The following MRTFB variants were observed in gnomAD, a reference collection of about 807,000 sequenced individuals.
MRTFB encodes the protein myocardin related transcription factor B.
Under a neutral mutation model 104.2 loss-of-function variants are expected in MRTFB, and 29 were observed. The ratio of observed to expected loss-of-function variants is 0.28; its 90% confidence interval spans 0.21 to 0.38. MRTFB has a LOEUF of 0.38. MRTFB is among the 10% of genes least tolerant of loss of function. The pLI, the probability that MRTFB is intolerant of heterozygous loss-of-function variation, is 1.00. For missense variants in MRTFB, 1,270 were observed against 1,341.6 expected, an observed-to-expected ratio of 0.95 and a Z score of 0.83; for synonymous variants, 535 against 519.5, an observed-to-expected ratio of 1.03 and a Z score of -0.41.
chr16:14,187,272 T>C (rs1184057697), intron 3 of MRTFB, among the ~76,000 whole-genome samples: 3 of 152,222 alleles, frequency 2.0e-5, no homozygotes, highest in African/African-American at 4.8e-5. Context: ...AGGGGACTTG[T>C]ACAGCCAGTC....
In MRTFB at chr16:14,260,965, A is replaced by T. The variant is rs1168390694; in HGVS notation, c.2821A>T (p.Thr941Ser). The change falls in exon 17 of 17, where the codon ACA becomes TCA. Residue 941 changes from threonine to serine, a missense_variant. Thr to Ser is a moderately conservative substitution (Grantham distance 58). Coordinates refer to ENST00000571589, the MANE Select transcript of MRTFB (RefSeq NM_001308142.2). ...PSPISKMRPVTASITTMPVNT... is the reference protein window; with the variant it reads ...PSPISKMRPVSASITTMPVNT... ...TCCTATTTCCAAAATGAGACCAGTG[A>T]CAGCCAGCATCACCACAATGCCAGT... The T allele has an allele frequency of 6.2e-7, 1 of 1,614,160 alleles. No homozygotes were observed. The highest frequency in any genetic ancestry group is 1.3e-5 in the African/African-American group (1 of 75,054).
intron 2 of MRTFB, among the ~76,000 whole-genome samples, chr16:14,083,118 G>A (rs1403477367): frequency 6.6e-6 from 1 of 151,612 alleles, no homozygotes; most frequent in Non-Finnish European, 1.5e-5. Flanking sequence ...GGTAACTGTT[G>A]TAAATAGGAT....
intron 3 of MRTFB, chr16:14,143,949 A>G (rs2038159844): frequency 1.3e-5 from 2 of 152,210 alleles, no homozygotes. Context: ...AACTGTTACT[A>G]GTGTTCTTTC....
At chr16:14,003,653 C>T in the MRTFB span, among the ~76,000 whole-genome samples, 3 of 35,532 alleles carry the variant, frequency 8.4e-5, no homozygotes, top group Non-Finnish European at 2.3e-4. Flanking sequence ...TCCCTCCCTC[C>T]CTCCCTCCCT....
intron 3 of MRTFB, among the ~76,000 whole-genome samples, chr16:14,192,424 T>G (rs773997405): frequency 6.6e-6 from 1 of 152,172 alleles, no homozygotes; most frequent in Non-Finnish European, 1.5e-5. Context: ...ACAATAGGAA[T>G]GAAAAAGTAA....
chr16:14,194,555 G>A (rs1261703479), intron 3 of MRTFB, among the ~76,000 whole-genome samples: 1 of 152,174 alleles, frequency 6.6e-6, no homozygotes, highest in African/African-American at 2.4e-5. Context: ...AATTCTTATT[G>A]ATGTAAGAAC....
the MRTFB span, among the ~76,000 whole-genome samples, chr16:14,007,146 CAA>C: frequency 6.6e-6 from 1 of 152,190 alleles, no homozygotes; most frequent in Non-Finnish European, 1.5e-5. Flanking sequence ...GCCATCACTA[CAA>C]TCAATTTCAG....
intron 3 of MRTFB, chr16:14,201,021 A>G (rs772215248): frequency 5.4e-6 from 8 of 1,471,910 alleles, no homozygotes; most frequent in South Asian, 1.2e-5. Flanking sequence ...AACTGAAGAG[A>G]TAAGTCTTGA....
chr16:14,081,197 C>G (rs2141866061), intron 2 of MRTFB, among the ~76,000 whole-genome samples: 1 of 152,152 alleles, frequency 6.6e-6, no homozygotes, highest in Admixed American at 6.5e-5. Flanking sequence ...GCCATTCCAA[C>G]AGGAGTGAGG....
intron 8 of MRTFB, among the ~76,000 whole-genome samples, chr16:14,232,959 A>G (rs184165324): frequency 2.6e-5 from 4 of 152,336 alleles, no homozygotes; most frequent in Admixed American, 2.6e-4. Flanking sequence ...AAAGGAGGAC[A>G]TTTTTCCTTA....
chr16:14,076,804 T>A (rs1463326554), intron 1 of MRTFB, among the ~76,000 whole-genome samples: 1 of 152,206 alleles, frequency 6.6e-6, no homozygotes, highest in Non-Finnish European at 1.5e-5. Context: ...CTCCAACAGT[T>A]AACCTTTGGA....
At chr16:14,104,705 G>A (rs2035880232) in intron 2 of MRTFB, among the ~76,000 whole-genome samples, 1 of 152,206 alleles carries the variant, frequency 6.6e-6, no homozygotes, top group Non-Finnish European at 1.5e-5. Flanking sequence ...TAAAACATAA[G>A]CATGAGAACC....
chr16:14,239,617 A>G (rs1157416122), intron 9 of MRTFB, among the ~76,000 whole-genome samples: 1 of 152,226 alleles, frequency 6.6e-6, no homozygotes, highest in African/African-American at 2.4e-5. Context: ...TGAGAAGACA[A>G]CAAGACCTCA....
the MRTFB span, among the ~76,000 whole-genome samples, chr16:14,025,328 G>A: frequency 2.2e-4 from 34 of 152,142 alleles, no homozygotes; most frequent in Admixed American, 5.2e-4. Context: ...CAATAGGCAC[G>A]CACCACCAAG....
chr16:14,071,063 T>C (rs375209646), upstream of MRTFB, among the ~76,000 whole-genome samples: 3 of 152,148 alleles, frequency 2.0e-5, no homozygotes, highest in Admixed American at 6.5e-5. Context: ...GCCCCGGACA[T>C]GCGCATGCGC....
chr16:14,122,145 T>C (rs968333684), intron 2 of MRTFB, among the ~76,000 whole-genome samples: 2 of 152,140 alleles, frequency 1.3e-5, no homozygotes, highest in Non-Finnish European at 1.5e-5. Flanking sequence ...GTAAGTGTTA[T>C]ATATATACAC....
the MRTFB span, among the ~76,000 whole-genome samples, chr16:14,003,644 C>G: frequency 0.033 from 335 of 10,260 alleles, no homozygotes; most frequent in Non-Finnish European, 0.036. Flanking sequence ...CTGCCTGCCT[C>G]CCTCCCTCCC....
At chr16:14,018,827 A>G in the MRTFB span, 4 of 152,096 alleles carry the variant, frequency 2.6e-5, no homozygotes, top group Non-Finnish European at 5.9e-5. Flanking sequence ...TTTTTTTAAG[A>G]AAGCAGACAT....
the MRTFB span, among the ~76,000 whole-genome samples, chr16:14,031,603 A>T: frequency 1.3e-5 from 2 of 152,112 alleles, no homozygotes; most frequent in African/African-American, 4.8e-5. Flanking sequence ...CATGATAAGA[A>T]ATATATATAT....
Sources: gnomAD v4.1 joint callset for allele counts (sites outside exome capture counted in the v4.1 genomes callset) on GRCh38, gnomAD v4.1.1 for gene constraint, MANE v1.5 for transcripts, NCBI Gene and HGNC (gene_info 2026-07-23, HGNC 2026-07-21) for gene names.